The following PHF24 variants were observed in gnomAD, a reference collection of about 807,000 sequenced individuals.
PHF24 encodes Galpha inhibitory interacting protein.
PHF24 carries 25 observed loss-of-function variants against 42.6 expected under a neutral mutation model. The observed-to-expected ratio is 0.59, with a 90% CI of 0.43 to 0.82. The LOEUF is 0.82. PHF24 is among the 40% of genes least tolerant of loss of function. PHF24 has a pLI of 0.00. For missense variants in PHF24, 470 were observed against 538.1 expected (o/e 0.87, Z 1.25); for synonymous variants, 185 against 204.8 (o/e 0.90, Z 0.83).
the PHF24 span, among the ~76,000 whole-genome samples, chr9:34,830,200 C>A: frequency 6.6e-6 from 1 of 152,238 alleles, no homozygotes; most frequent in Admixed American, 6.5e-5. Flanking sequence ...ACTTTAAAAT[C>A]TGCATTCTCC....
the PHF24 span, among the ~76,000 whole-genome samples, chr9:34,883,975 T>A: frequency 6.6e-6 from 1 of 152,180 alleles, no homozygotes; most frequent in Non-Finnish European, 1.5e-5. Context: ...CAAATGTCCA[T>A]CAGTGATAGA....
the PHF24 span, among the ~76,000 whole-genome samples, chr9:34,736,207 A>G: frequency 5.3e-5 from 8 of 152,186 alleles, no homozygotes; most frequent in African/African-American, 1.9e-4. Flanking sequence ...CACAATATTA[A>G]ACAAACACAC....
the PHF24 span, among the ~76,000 whole-genome samples, chr9:34,873,314 C>G: frequency 6.6e-6 from 1 of 151,958 alleles, no homozygotes; most frequent in Admixed American, 6.6e-5. Context: ...CCTAGGTTTT[C>G]TTCTAGGGTT....
the PHF24 span, among the ~76,000 whole-genome samples, chr9:34,781,182 A>T: frequency 1.8e-3 from 281 of 152,376 alleles, no homozygotes; most frequent in African/African-American, 6.2e-3. Context: ...ATAAATGTTT[A>T]TAACAGCATA....
chr9:34,917,414 G>A, the PHF24 span: 406 of 768,556 alleles, frequency 5.3e-4, no homozygotes, highest in Admixed American at 2.1e-3. Context: ...CATGTATCTC[G>A]TTCCTGCTGC....
the PHF24 span, among the ~76,000 whole-genome samples, chr9:34,768,335 A>G: frequency 6.6e-6 from 1 of 152,242 alleles, no homozygotes; most frequent in African/African-American, 2.4e-5. Context: ...CAGCAAGACC[A>G]GAGTCCTTCT....
chr9:34,975,551 T>C (rs1318642467), intron 3 of PHF24, among the ~76,000 whole-genome samples: 1 of 152,128 alleles, frequency 6.6e-6, no homozygotes, highest in African/African-American at 2.4e-5. Context: ...CAATAAGATA[T>C]TGGTGCTCCT....
exon 3 of PHF24, chr9:34,972,376 G>C: frequency 6.2e-7 from 1 of 1,611,726 alleles, no homozygotes; most frequent in Non-Finnish European, 8.5e-7. Flanking sequence ...TGATGTTTGT[G>C]AGGTCTGGAC....
the PHF24 span, chr9:34,922,137 C>T: frequency 1.3e-6 from 2 of 1,489,738 alleles, no homozygotes; most frequent in Non-Finnish European, 1.9e-6. Flanking sequence ...GACAAATGGT[C>T]TACTGTGTAA....
the PHF24 span, among the ~76,000 whole-genome samples, chr9:34,916,541 T>G: frequency 6.6e-6 from 1 of 152,170 alleles, no homozygotes; most frequent in Non-Finnish European, 1.5e-5. Context: ...TTAGAGGAAG[T>G]GATGCCAGCA....
chr9:34,748,850 T>A, the PHF24 span, among the ~76,000 whole-genome samples: 10 of 152,080 alleles, frequency 6.6e-5, no homozygotes, highest in South Asian at 2.1e-3. Context: ...CCTCACCAAA[T>A]GAATGAAATA....
At chr9:34,728,391 C>G in the PHF24 span, among the ~76,000 whole-genome samples, 1 of 152,218 alleles carries the variant, frequency 6.6e-6, no homozygotes, top group Admixed American at 6.5e-5. Context: ...TTAAGAACAT[C>G]TGCTCTACTT....
intron 1 of PHF24, among the ~76,000 whole-genome samples, chr9:34,968,165 C>G (rs1366829597): frequency 6.6e-6 from 1 of 152,176 alleles, no homozygotes; most frequent in African/African-American, 2.4e-5. Flanking sequence ...GAGTATCTTT[C>G]CCACCAATAA....
the PHF24 span, among the ~76,000 whole-genome samples, chr9:34,859,837 C>T: frequency 2.2e-3 from 329 of 152,270 alleles, 2 homozygotes; most frequent in African/African-American, 6.8e-3. Context: ...GGCATAGGCA[C>T]TCTACCTGCC....
intron 3 of PHF24, among the ~76,000 whole-genome samples, chr9:34,974,641 A>G (rs1827122230): frequency 6.6e-6 from 1 of 151,382 alleles, no homozygotes; most frequent in Non-Finnish European, 1.5e-5. Context: ...GTTGTTTAAT[A>G]CTCTTCTTTT....
chr9:34,725,118 G>A, the PHF24 span: 5 of 1,550,544 alleles, frequency 3.2e-6, no homozygotes, highest in Admixed American at 5.9e-5. Flanking sequence ...GCCACTGCCA[G>A]GACCCCAGAA....
chr9:34,938,736 T>C, the PHF24 span, among the ~76,000 whole-genome samples: 1 of 149,920 alleles, frequency 6.7e-6, no homozygotes, highest in Non-Finnish European at 1.5e-5. Flanking sequence ...AAGACCATCC[T>C]GGCTAACGCG....
the PHF24 span, chr9:34,666,096 G>A: frequency 0.13 from 27,957 of 215,502 alleles, 2,047 homozygotes; most frequent in Admixed American, 0.18. Context: ...AGGTTTGCCT[G>A]TCCCCCGGAA....
the PHF24 span, among the ~76,000 whole-genome samples, chr9:34,930,489 G>A: frequency 6.6e-6 from 1 of 152,220 alleles, no homozygotes; most frequent in African/African-American, 2.4e-5. Context: ...TTTGTGGCCA[G>A]TGCTCACCTC....
Sources: allele counts gnomAD v4.1 joint callset (sites outside exome capture counted in the v4.1 genomes callset), GRCh38; gene constraint gnomAD v4.1.1; transcripts MANE v1.5; gene names NCBI Gene and HGNC (gene_info 2026-07-23, HGNC 2026-07-21).